The following CYRIA variants were observed in gnomAD, a reference collection of about 807,000 sequenced individuals.
CYRIA encodes the protein CYFIP related Rac1 interactor A.
CYRIA carries 15 observed loss-of-function variants against 43.9 expected under a neutral mutation model. The ratio of observed to expected loss-of-function variants is 0.34; its 90% CI spans 0.23 to 0.53. The LOEUF is 0.53. CYRIA is among the 20% of genes least tolerant of loss of function. CYRIA has a pLI of 0.94. For synonymous variants in CYRIA, 117 were observed against 136.0 expected, an observed-to-expected ratio of 0.86 and a Z score of 0.97; for missense variants, 236 against 394.2, an observed-to-expected ratio of 0.60 and a Z score of 3.40.
chr2:16,565,013 C>CTTT (rs1666876746), intron 4 of CYRIA, among the ~76,000 whole-genome samples: 1 of 152,140 alleles, frequency 6.6e-6, no homozygotes, highest in East Asian at 1.9e-4. Flanking sequence ...TGTTCACAGA[C>CTTT]TTTACATTGT....
At chr2:16,611,309 G>C (rs1037910189) in intron 2 of CYRIA, among the ~76,000 whole-genome samples, 11 of 152,146 alleles carry the variant, frequency 7.2e-5, no homozygotes, top group Non-Finnish European at 1.3e-4. Flanking sequence ...AGGTTGCAGT[G>C]AGCCGAGATT....
At chr2:16,639,697 T>TG (rs1165615346) in intron 1 of CYRIA, among the ~76,000 whole-genome samples, 2 of 152,240 alleles carry the variant, frequency 1.3e-5, no homozygotes, top group African/African-American at 2.4e-5. Flanking sequence ...TTGCTGCCAC[T>TG]GGGGGGAAGA....
In CYRIA at chr2:16,552,149, T is replaced by G. The variant is rs1219465732; in HGVS notation, c.*787A>C. On this transcript the variant is annotated 3_prime_UTR_variant, in exon 12 of 12. Transcript: ENST00000381323. ...CAGAGCTCCATTTCCCTAATCCCTG[T>G]AGGCAGAGGGCTGAAGCAGAGAGAT... The G allele has an allele frequency of 6.6e-6, 1 of 152,098 alleles. No homozygotes were observed. The highest frequency in any genetic ancestry group is 1.5e-5 in the Non-Finnish European group (1 of 68,038). The allele number at this position is 152,098 out of a possible 1,614,324, so 9.4% of individuals were successfully genotyped here. A position where few individuals can be genotyped will look rare whatever the true frequency, so the allele number is the denominator to read the frequency against.
chr2:16,572,249 T>A (rs1667155561), intron 3 of CYRIA, among the ~76,000 whole-genome samples: 1 of 152,104 alleles, frequency 6.6e-6, no homozygotes, highest in Non-Finnish European at 1.5e-5. Context: ...GAATAGCCTG[T>A]CTCCTCCCTA....
intron 1 of CYRIA, chr2:16,625,698 AG>A (rs1429130283): frequency 1.3e-5 from 2 of 152,168 alleles, no homozygotes; most frequent in African/African-American, 2.4e-5. Context: ...TTTCCAAAGA[AG>A]GATTCTGGGG....
chr2:16,553,960 C>T (rs1389039991), intron 11 of CYRIA, among the ~76,000 whole-genome samples: 1 of 152,092 alleles, frequency 6.6e-6, no homozygotes, highest in African/African-American at 2.4e-5. Context: ...CTCTGGAAGG[C>T]TCTTACATTA....
At chr2:16,660,514 GT>G in intron 1 of CYRIA, among the ~76,000 whole-genome samples, 1 of 152,346 alleles carries the variant, frequency 6.6e-6, no homozygotes, top group Middle Eastern at 3.4e-3. Context: ...TGGGCCATGT[GT>G]TTCCTCCCCT....
chr2:16,583,967 G>A (rs1199656207), intron 3 of CYRIA, among the ~76,000 whole-genome samples: 1 of 152,144 alleles, frequency 6.6e-6, no homozygotes, highest in East Asian at 1.9e-4. Flanking sequence ...AATTATATCT[G>A]TCTGACCCAG....
chr2:16,576,704 G>C (rs576612003), intron 3 of CYRIA, among the ~76,000 whole-genome samples: 1 of 152,266 alleles, frequency 6.6e-6, no homozygotes, highest in South Asian at 2.1e-4. Context: ...ACTAGCAGAA[G>C]CTTAGCACGT....
At chr2:16,640,053 C>T (rs950702924) in intron 1 of CYRIA, among the ~76,000 whole-genome samples, 1 of 152,208 alleles carries the variant, frequency 6.6e-6, no homozygotes, top group African/African-American at 2.4e-5. Context: ...AAAGATGAGG[C>T]TGAATCCATC....
rs151274227 is a variant in CYRIA, at chr2:16,577,686, C to T, written c.70+10364G>A. On this transcript the variant is annotated intron_variant, in intron 3 of 11. Coordinates refer to ENST00000381323, the MANE Select transcript of CYRIA (RefSeq NM_030797.4). ...GTGAAGTGTCATGAAAGCTGAGAGG[C>T]CCTGGGAGCTCCAGGCAGAAGGACA... Among the ~76,000 whole-genome samples, 707 of 152,258 alleles carry T rather than the reference C, an allele frequency of 4.6e-3. 5 individuals carry two copies. The highest frequency in any genetic ancestry group is 0.016 in the African/African-American group (675 of 41,546).
intron 1 of CYRIA, among the ~76,000 whole-genome samples, chr2:16,665,232 G>T (rs147963076): frequency 7.2e-5 from 11 of 152,226 alleles, no homozygotes; most frequent in Middle Eastern, 6.8e-3. Context: ...CTGGGTTCTG[G>T]GGGAGGAGAG....
At position 16,652,628 on chromosome 2, in the gene CYRIA, C is replaced by T. The variant is rs139476909; in HGVS notation, c.-167+13152G>A. Reference sequence around the variant, plus strand: ...GACTCCCCCTGCTACCCCCTGCCACCCTCTGCGTCAGCAAAGTGGAGAGTG... The same window carrying T: ...GACTCCCCCTGCTACCCCCTGCCACTCTCTGCGTCAGCAAAGTGGAGAGTG... On this transcript the variant is annotated intron_variant, in intron 1 of 11. Coordinates refer to ENST00000381323, the MANE Select transcript of CYRIA (RefSeq NM_030797.4). Among the ~76,000 whole-genome samples the T allele has an allele frequency of 2.5e-3, 376 of 152,322 alleles. 3 individuals carry two copies. The highest frequency in any genetic ancestry group is 8.5e-3 in the African/African-American group (354 of 41,576).
intron 3 of CYRIA, among the ~76,000 whole-genome samples, chr2:16,577,002 T>C (rs1667376471): frequency 6.6e-6 from 1 of 152,166 alleles, no homozygotes; most frequent in Non-Finnish European, 1.5e-5. Flanking sequence ...GGTGGTTTCC[T>C]GGGCATGGGG....
At chr2:16,608,151 G>C (rs574638936) in intron 2 of CYRIA, among the ~76,000 whole-genome samples, 16 of 152,274 alleles carry the variant, frequency 1.1e-4, no homozygotes, top group Non-Finnish European at 2.2e-4. Flanking sequence ...CACTGAGATG[G>C]ATGGGAAGGA....
At chr2:16,556,986 G>A (rs576242765) in intron 10 of CYRIA, among the ~76,000 whole-genome samples, 236 of 152,170 alleles carry the variant, frequency 1.6e-3, no homozygotes, top group Non-Finnish European at 2.6e-3. Context: ...CTGTTTTGGG[G>A]ATGGCCATAT....
chr2:16,625,825 T>C (rs1437557307), intron 1 of CYRIA: 1 of 149,870 alleles, frequency 6.7e-6, no homozygotes, highest in Non-Finnish European at 1.5e-5. Flanking sequence ...AGCTATCCCA[T>C]CCTCACTGCT....
chr2:16,617,411 C>G (rs1288554286), intron 2 of CYRIA, among the ~76,000 whole-genome samples: 1 of 152,238 alleles, frequency 6.6e-6, no homozygotes, highest in African/African-American at 2.4e-5. Context: ...GAAAGGTAGG[C>G]TTGCCATCAG....
chr2:16,586,493 A>G lies in CYRIA; in HGVS notation c.70+1557T>C, dbSNP rs556898976. ...GCTAAACCCCTTACCAAACCAAACC[A>G]AGCCAAACAATAACAACAACATAGC... On this transcript the variant is annotated intron_variant, in intron 3 of 11. Coordinates refer to ENST00000381323, the MANE Select transcript of CYRIA (RefSeq NM_030797.4). 3.4e-4 allele frequency among the ~76,000 whole-genome samples: 52 copies of G among 152,226 alleles called. 1 individual carries two copies. The highest frequency in any genetic ancestry group is 1.1e-3 in the African/African-American group (46 of 41,558).
Sources: gnomAD v4.1 joint callset for allele counts (sites outside exome capture counted in the v4.1 genomes callset) on GRCh38, gnomAD v4.1.1 for gene constraint, MANE v1.5 for transcripts, NCBI Gene and HGNC (gene_info 2026-07-23, HGNC 2026-07-21) for gene names.